CHN2: variants seen among roughly 807,000 people sequenced by gnomAD.
CHN2 encodes the protein chimerin 2, also known as beta-chimaerin.
A neutral mutation model predicts 56.3 loss-of-function variants in CHN2; 35 were observed. That is an observed-to-expected ratio of 0.62 (90% CI 0.47 to 0.82). The LOEUF (loss-of-function observed/expected upper bound fraction) is 0.82, where lower values mean the gene tolerates loss of function less well. Ranked by LOEUF, CHN2 falls within the 40% of genes least tolerant of loss-of-function variation. The pLI is 0.00. For synonymous variants in CHN2, 210 were observed against 212.8 expected (o/e 0.99, Z 0.12); for missense variants, 491 against 580.5 (o/e 0.85, Z 1.58).
intron 1 of CHN2, among the ~76,000 whole-genome samples, chr7:29,297,781 A>G (rs1317435260): frequency 6.6e-6 from 1 of 152,030 alleles, no homozygotes; most frequent in African/African-American, 2.4e-5. Context: ...TGGAGGATGC[A>G]CCCGAGGGGA....
intron 1 of CHN2, chr7:29,197,871 G>A: frequency 2.2e-6 from 1 of 455,596 alleles, no homozygotes; most frequent in South Asian, 1.5e-5. Context: ...AGGGGTCAGT[G>A]GAAATGTCAT....
chr7:29,168,904 G>T (rs1796256518), intron 2 of CHN2, among the ~76,000 whole-genome samples: 1 of 152,160 alleles, frequency 6.6e-6, no homozygotes, highest in Non-Finnish European at 1.5e-5. Flanking sequence ...TAAGAGGTAT[G>T]AACTATTTCT....
chr7:29,365,981 G>GT (rs1423860220), intron 2 of CHN2, among the ~76,000 whole-genome samples: 1 of 152,170 alleles, frequency 6.6e-6, no homozygotes, highest in Non-Finnish European at 1.5e-5. Context: ...GTCTGTCGAT[G>GT]AACTGACCAT....
Position 29,195,310 on chromosome 7 carries a change from G to C in CHN2, c.49+320G>C, listed in dbSNP as rs1018847158. ...TCGCACTTTCTGGCGCAGCTGGAGC[G>C]GGGGCTGGCGGGGCGGAGAAGGTTG... On this transcript the variant is annotated intron_variant, in intron 1 of 12. Coordinates refer to ENST00000222792, the MANE Select transcript of CHN2 (RefSeq NM_004067.4). The C allele has an allele frequency of 2.5e-5, 8 of 322,716 alleles. 1 individual carries two copies. Among genetic ancestry groups the C allele is most frequent in the South Asian group, 1.5e-4 (2 of 12,996 alleles). 20.0% of individuals were successfully genotyped at this position (322,716 alleles called of 1,614,324 possible).
intron 1 of CHN2, among the ~76,000 whole-genome samples, chr7:29,293,945 C>T (rs1306622141): frequency 6.9e-6 from 1 of 144,472 alleles, no homozygotes. Context: ...CGGCTCACTG[C>T]AAGCTCCGCC....
chr7:29,221,347 T>TA lies in CHN2; in HGVS notation c.49+26365dup, dbSNP rs377563120. On this transcript the variant is annotated intron_variant, in intron 1 of 12. Transcript: ENST00000222792. ...AAGAATGCTGGATGCAAGGTCAGTG[T>TA]AAAAAAAATCAAGTCTCTTTATACT... Among the ~76,000 whole-genome samples the TA allele has an allele frequency of 1.6e-3, 243 of 152,180 alleles. 1 individual carries two copies. The highest frequency in any genetic ancestry group is 5.4e-3 in the African/African-American group (225 of 41,554).
chr7:29,198,043 A>G (rs1402487180), intron 1 of CHN2: 1 of 456,142 alleles, frequency 2.2e-6, no homozygotes, highest in Non-Finnish European at 4.4e-6. Context: ...ACAGGCCCAT[A>G]AGCAGCATCA....
chr7:29,266,999 A>G lies in CHN2; in HGVS notation c.49+72009A>G, dbSNP rs531029181. Among the ~76,000 whole-genome samples the G allele has an allele frequency of 2.0e-5, 3 of 152,214 alleles. No homozygotes were observed. The South Asian group carries it at 6.2e-4, about 32-fold the overall frequency. Reference sequence around the variant, plus strand: ...CTTTGTGTCTGAAGTCTTTTAATGGAAAGAATCAATATGGGTCCAATCCCT... The same window carrying G: ...CTTTGTGTCTGAAGTCTTTTAATGGGAAGAATCAATATGGGTCCAATCCCT... On this transcript the variant is annotated intron_variant, in intron 1 of 12. Transcript: ENST00000222792.
chr7:29,253,448 T>A (rs886895566), intron 1 of CHN2, among the ~76,000 whole-genome samples: 2 of 151,718 alleles, frequency 1.3e-5, no homozygotes, highest in Non-Finnish European at 2.9e-5. Context: ...CACTAATAAA[T>A]GTGAGAGTCT....
At chr7:29,482,845 G>A (rs1178287012) in intron 7 of CHN2, among the ~76,000 whole-genome samples, 12 of 86,920 alleles carry the variant, frequency 1.4e-4, no homozygotes, top group African/African-American at 4.8e-4. Flanking sequence ...TTTTTGAGAC[G>A]GAGTCTCGCT....
At chr7:29,367,632 T>G (rs1310161677) in intron 2 of CHN2, among the ~76,000 whole-genome samples, 1 of 152,176 alleles carries the variant, frequency 6.6e-6, no homozygotes, top group Non-Finnish European at 1.5e-5. Context: ...CAAAAGAATT[T>G]TAGCCATATT....
chr7:29,490,810 T>G (rs971913012), intron 7 of CHN2, among the ~76,000 whole-genome samples: 2 of 152,200 alleles, frequency 1.3e-5, no homozygotes, highest in Non-Finnish European at 2.9e-5. Context: ...GTATGTATGG[T>G]ATCAGTTTTT....
At chr7:29,330,356 T>C (rs1165934164) in intron 1 of CHN2, among the ~76,000 whole-genome samples, 1 of 152,206 alleles carries the variant, frequency 6.6e-6, no homozygotes, top group African/African-American at 2.4e-5. Flanking sequence ...CAGGGTCAGA[T>C]TGGGTCATTT....
intron 1 of CHN2, among the ~76,000 whole-genome samples, chr7:29,298,506 A>G (rs904315469): frequency 6.6e-6 from 1 of 152,148 alleles, no homozygotes; most frequent in African/African-American, 2.4e-5. Context: ...TGCCCAGGTA[A>G]CTGGTGGCTA....
intron 3 of CHN2, among the ~76,000 whole-genome samples, chr7:29,369,926 G>A (rs1247680749): frequency 6.6e-6 from 1 of 152,156 alleles, no homozygotes; most frequent in African/African-American, 2.4e-5. Context: ...AGTGACATTG[G>A]TTGATGCTTG....
chr7:29,488,463 C>T (rs1464900647), intron 7 of CHN2, among the ~76,000 whole-genome samples: 2 of 152,166 alleles, frequency 1.3e-5, no homozygotes, highest in Non-Finnish European at 1.5e-5. Flanking sequence ...ACTAGACCTC[C>T]AGAACCCAGC....
intron 6 of CHN2, chr7:29,480,035 C>A (rs1465922341): frequency 6.5e-7 from 1 of 1,528,170 alleles, no homozygotes; most frequent in Non-Finnish European, 8.8e-7. Flanking sequence ...ACATAAGCTG[C>A]GGTTCGAAAA....
At position 29,497,560 on chromosome 7, in the gene CHN2, C is replaced by T. The variant is rs186526166; in HGVS notation, c.739+1524C>T. On this transcript the variant is annotated intron_variant, in intron 8 of 12. Coordinates refer to ENST00000222792, the MANE Select transcript of CHN2 (RefSeq NM_004067.4). ...TATTTTCCAATGGCTACTTTTTGGC[C>T]TTATATTTCCTCTTAGCAGCAGGGA... Among the ~76,000 whole-genome samples the T allele has an allele frequency of 3.9e-3, 591 of 151,664 alleles. 4 individuals carry two copies. Among genetic ancestry groups the T allele is most frequent in the African/African-American group, 0.013 (533 of 41,392 alleles).
intron 1 of CHN2, among the ~76,000 whole-genome samples, chr7:29,297,455 G>A (rs555825197): frequency 2.0e-5 from 3 of 152,308 alleles, no homozygotes; most frequent in African/African-American, 7.2e-5. Flanking sequence ...CCGATCTGAG[G>A]ATCCCCGGAA....
Sources: gnomAD v4.1 joint callset for allele counts (sites outside exome capture counted in the v4.1 genomes callset) on GRCh38, gnomAD v4.1.1 for gene constraint, MANE v1.5 for transcripts, NCBI Gene and HGNC (gene_info 2026-07-23, HGNC 2026-07-21) for gene names.